The following DACH1 variants were observed in gnomAD, a reference collection of about 807,000 sequenced individuals.
DACH1 encodes the protein dachshund family transcription factor 1.
DACH1 carries 12 observed loss-of-function variants against 54.2 expected under a neutral mutation model. The ratio of observed to expected loss-of-function variants is 0.22; its 90% CI spans 0.14 to 0.36. The LOEUF is 0.36. Ranked by LOEUF, DACH1 falls within the 10% of genes least tolerant of loss-of-function variation. The probability of loss-of-function intolerance (pLI) is 1.00; values close to 1 mark genes in which losing one functional copy is unlikely to be tolerated. For missense variants in DACH1, 805 were observed against 929.8 expected, an observed-to-expected ratio of 0.87 and a Z score of 1.75; for synonymous variants, 386 against 366.2, an observed-to-expected ratio of 1.05 and a Z score of -0.62.
chr13:71,704,976 AAAAT>A, intron 1 of DACH1, among the ~76,000 whole-genome samples: 1 of 152,318 alleles, frequency 6.6e-6, no homozygotes, highest in East Asian at 1.9e-4. Flanking sequence ...ATAAAATACA[AAAAT>A]AAAATAAATT....
At position 71,440,701 on chromosome 13, in the gene DACH1, G is replaced by A. The variant is rs1566260267; in HGVS notation, c.2084-9C>T. On this transcript the variant is annotated splice_polypyrimidine_tract_variant and intron_variant, in intron 10 of 10. Transcript: ENST00000613252. The stretch of plus-strand genomic sequence containing the variant: ...CAAATACAGTCTTCCATCTAGAAAT[G>A]AACAGTGAAAAATTAATTAATGGCA... The A allele has an allele frequency of 6.3e-7, 1 of 1,595,650 alleles. No homozygotes were observed. The highest frequency in any genetic ancestry group is 1.4e-5 in the African/African-American group (1 of 74,042).
chr13:71,525,167 G>A (rs941614918), intron 6 of DACH1, among the ~76,000 whole-genome samples: 1 of 152,056 alleles, frequency 6.6e-6, no homozygotes, highest in Non-Finnish European at 1.5e-5. Context: ...ATAGGAAACC[G>A]CAGATGGGCT....
In DACH1 at chr13:71,475,874, T is replaced by A. The variant is rs1239084550; in HGVS notation, c.1871-25A>T. 1.3e-5 allele frequency: 19 copies of A among 1,454,006 alleles called. No homozygotes were observed. The Admixed American group carries it at 4.8e-4, about 37-fold the overall frequency. 90.1% of individuals were successfully genotyped at this position (1,454,006 alleles called of 1,614,324 possible). On this transcript the variant is annotated intron_variant, in intron 8 of 10. Coordinates refer to ENST00000613252, the MANE Select transcript of DACH1 (RefSeq NM_080759.6). ...GCTAAAAAAGAGTGTATGCATATTA[T>A]TATTATTATTTTTAAATTTTCATAA...
intron 2 of DACH1, among the ~76,000 whole-genome samples, chr13:71,673,711 T>C (rs978648216): frequency 1.1e-4 from 16 of 152,182 alleles, no homozygotes; most frequent in African/African-American, 3.9e-4. Context: ...TATACCTATG[T>C]AACAAACCGG....
chr13:71,846,627 A>ATAGG (rs1490184230), intron 1 of DACH1, among the ~76,000 whole-genome samples: 10 of 152,328 alleles, frequency 6.6e-5, no homozygotes, highest in Admixed American at 3.9e-4. Flanking sequence ...AGACTCTTCC[A>ATAGG]TAGGTAGGTA....
chr13:71,512,044 G>T (rs967629813), intron 6 of DACH1, among the ~76,000 whole-genome samples: 1 of 151,818 alleles, frequency 6.6e-6, no homozygotes, highest in South Asian at 2.1e-4. Flanking sequence ...TGCTCAAAAC[G>T]CTTCATTTCC....
rs1566180714 is a variant in DACH1 at position 71,866,485 on chromosome 13, ACCGCCGCCTCCGTTGCCGCTGCTG to A, written c.261_284del (p.Ser88_Gly95del). 31 of 1,226,552 alleles carry A rather than the reference ACCGCCGCCTCCGTTGCCGCTGCTG, an allele frequency of 2.5e-5. No individual in the cohort carries two copies. The allele number at this position is 1,226,552 out of a possible 1,614,324, so 76.0% of individuals were successfully genotyped here. A position where few individuals can be genotyped will look rare whatever the true frequency, so the allele number is the denominator to read the frequency against. On this transcript the variant is annotated inframe_deletion, in exon 1 of 11. Coordinates refer to ENST00000613252, the MANE Select transcript of DACH1 (RefSeq NM_080759.6). ...AGTTGCTGCCACCGCCGCCGCCGCC[ACCGCCGCCTCCGTTGCCGCTGCTG>A]CCGCCGCCGCCTCCGCTGCCGCCGC... is the stretch of plus-strand genomic sequence containing the variant.
intron 10 of DACH1, among the ~76,000 whole-genome samples, chr13:71,445,150 T>G (rs552297092): frequency 3.3e-5 from 5 of 152,274 alleles, no homozygotes; most frequent in African/African-American, 1.2e-4. Context: ...TGGTGTTGTT[T>G]GCATTAAAAG....
chr13:71,826,812 A>G (rs958064901), intron 1 of DACH1, among the ~76,000 whole-genome samples: 1 of 152,214 alleles, frequency 6.6e-6, no homozygotes, highest in Non-Finnish European at 1.5e-5. Context: ...AGCAACCAGA[A>G]GAGTGCCTGA....
intron 8 of DACH1, among the ~76,000 whole-genome samples, chr13:71,478,229 T>A (rs1001393334): frequency 6.6e-6 from 1 of 152,202 alleles, no homozygotes; most frequent in African/African-American, 2.4e-5. Context: ...CCTGAATCTA[T>A]GTGAAGCCAC....
chr13:71,534,238 T>G (rs1255618864), intron 6 of DACH1, among the ~76,000 whole-genome samples: 1 of 152,026 alleles, frequency 6.6e-6, no homozygotes, highest in Non-Finnish European at 1.5e-5. Flanking sequence ...TTTATTATTG[T>G]TTACTTTCTT....
chr13:71,510,169 T>A (rs1421609348), intron 6 of DACH1, among the ~76,000 whole-genome samples: 1 of 152,072 alleles, frequency 6.6e-6, no homozygotes, highest in Non-Finnish European at 1.5e-5. Context: ...TTAGTCTCTT[T>A]AACGCTTTTC....
chr13:71,735,276 A>ATACGGGATATACG lies in DACH1; in HGVS notation c.849-53367_849-53366insCGTATATCCCGTA. ...ATATACGTGTATATGGGATACACGTATGTATATGGGATATACACGTATACG... is the reference window on the plus strand; with the variant it reads ...ATATACGTGTATATGGGATACACGTATACGGGATATACGTGTATATGGGATATACACGTATACG... On this transcript the variant is annotated intron_variant, in intron 1 of 10. Coordinates refer to ENST00000613252, the MANE Select transcript of DACH1 (RefSeq NM_080759.6). 5.6e-5 allele frequency among the ~76,000 whole-genome samples: 2 copies of ATACGGGATATACG among 35,666 alleles called. 1 individual carries two copies. Among genetic ancestry groups the ATACGGGATATACG allele is most frequent in the Non-Finnish European group, 3.3e-4 (2 of 6,020 alleles). 23.4% of individuals were successfully genotyped at this position (35,666 alleles called of 152,430 possible). A position where few individuals can be genotyped will look rare whatever the true frequency, so the allele number is the denominator to read the frequency against.
At chr13:71,770,345 C>T (rs908071611) in intron 1 of DACH1, among the ~76,000 whole-genome samples, 22 of 151,666 alleles carry the variant, frequency 1.5e-4, no homozygotes, top group Non-Finnish European at 2.2e-4. Context: ...AGTAAGTTAA[C>T]GGTATTTAAA....
chr13:71,630,526 A>C (rs746132390), intron 3 of DACH1, 30 bp downstream of exon 3: 1 of 1,535,416 alleles, frequency 6.5e-7, no homozygotes, highest in Non-Finnish European at 8.7e-7. Context: ...CAAAGTGATC[A>C]CAATAAGTTT....
intron 1 of DACH1, among the ~76,000 whole-genome samples, chr13:71,766,577 G>A (rs1442933125): frequency 6.6e-6 from 1 of 152,060 alleles, no homozygotes; most frequent in Non-Finnish European, 1.5e-5. Context: ...ACAGCTTCAT[G>A]GCTCCCTTCA....
intron 6 of DACH1, among the ~76,000 whole-genome samples, chr13:71,535,423 T>A (rs1882704103): frequency 6.6e-6 from 1 of 151,908 alleles, no homozygotes; most frequent in Admixed American, 6.6e-5. Context: ...AACCAAGAAC[T>A]CAAAAATAAA....
At chr13:71,549,707 C>T (rs978124027) in intron 6 of DACH1, among the ~76,000 whole-genome samples, 1 of 151,966 alleles carries the variant, frequency 6.6e-6, no homozygotes, top group Non-Finnish European at 1.5e-5. Flanking sequence ...GGAAATGTAA[C>T]CTTTATGTAA....
intron 6 of DACH1, among the ~76,000 whole-genome samples, chr13:71,529,183 G>GTTTTTTTTTGTTTTTTTTTTTTTTTTTTT (rs1882223472): frequency 2.5e-5 from 2 of 80,980 alleles, no homozygotes; most frequent in African/African-American, 8.7e-5. Flanking sequence ...TGTGATTTGG[G>GTTTTTTTTTGTTTTTTTTTTTTTTTTTTT]TTTTTTTTTT....
Sources: gnomAD v4.1 joint callset for allele counts (sites outside exome capture counted in the v4.1 genomes callset) on GRCh38, gnomAD v4.1.1 for gene constraint, MANE v1.5 for transcripts, NCBI Gene and HGNC (gene_info 2026-07-23, HGNC 2026-07-21) for gene names.